ST6GALNAC5: variants seen among roughly 807,000 people sequenced by gnomAD.
The protein encoded by ST6GALNAC5 is ST6 N-acetylgalactosaminide alpha-2,6-sialyltransferase 5.
In ST6GALNAC5, 27 loss-of-function variants were observed where a neutral mutation model predicts 33.6. That is an observed-to-expected ratio of 0.80 (90% confidence interval 0.59 to 1.11). The LOEUF (loss-of-function observed/expected upper bound fraction) is 1.11, where lower values mean the gene tolerates loss of function less well. ST6GALNAC5 is among the 50% of genes least tolerant of loss of function. ST6GALNAC5 has a pLI of 0.00. For synonymous variants in ST6GALNAC5, 194 were observed against 171.2 expected, an observed-to-expected ratio of 1.13 and a Z score of -1.04; for missense variants, 428 against 454.0, an observed-to-expected ratio of 0.94 and a Z score of 0.52.
At chr1:76,953,100 G>T (rs1317407752) in intron 2 of ST6GALNAC5, among the ~76,000 whole-genome samples, 3 of 152,030 alleles carry the variant, frequency 2.0e-5, no homozygotes, top group African/African-American at 7.2e-5. Context: ...TAGACATGTG[G>T]GTTGTTTCCA....
At position 76,872,117 on chromosome 1, in the gene ST6GALNAC5, AC is replaced by A. The variant is rs1491490217; in HGVS notation, c.261+3377del. 1.4e-4 allele frequency among the ~76,000 whole-genome samples: 18 copies of A among 126,014 alleles called. No individual in the cohort carries two copies. In the South Asian group the frequency reaches 3.4e-3, roughly 24 times the overall value. 82.7% of individuals were successfully genotyped at this position (126,014 alleles called of 152,430 possible). ...CACACACACACACACACACACACAC[AC>A]CACACACATTAAATCAAGAAATACT... On this transcript the variant is annotated intron_variant, in intron 2 of 4. Transcript: ENST00000477717.
intron 2 of ST6GALNAC5, among the ~76,000 whole-genome samples, chr1:76,928,689 T>C (rs1209371068): frequency 6.6e-5 from 10 of 152,158 alleles, no homozygotes; most frequent in Admixed American, 6.6e-4. Flanking sequence ...CTGCCTAGCC[T>C]CATCATCTGT....
intron 2 of ST6GALNAC5, among the ~76,000 whole-genome samples, chr1:76,902,958 G>T (rs531511882): frequency 1.3e-5 from 2 of 152,000 alleles, no homozygotes; most frequent in South Asian, 2.1e-4. Flanking sequence ...AAAACTCAGG[G>T]ATAAATCTGC....
chr1:76,954,516 T>G (rs930293583), intron 2 of ST6GALNAC5, among the ~76,000 whole-genome samples: 1 of 152,030 alleles, frequency 6.6e-6, no homozygotes, highest in Non-Finnish European at 1.5e-5. Flanking sequence ...ATCCTGCACA[T>G]GTACCCCAAG....
intron 2 of ST6GALNAC5, among the ~76,000 whole-genome samples, chr1:76,896,281 A>G (rs114695290): frequency 0.013 from 1,927 of 152,204 alleles, 38 homozygotes; most frequent in African/African-American, 0.043. Context: ...TGACATGGGG[A>G]ATGTTGAGTA....
intron 3 of ST6GALNAC5, among the ~76,000 whole-genome samples, chr1:77,048,117 T>C (rs995653973): frequency 1.3e-5 from 2 of 152,226 alleles, no homozygotes; most frequent in Non-Finnish European, 2.9e-5. Flanking sequence ...CCTTGCATTC[T>C]TTTCCCCATT....
At chr1:76,910,471 C>G (rs142556587) in intron 2 of ST6GALNAC5, among the ~76,000 whole-genome samples, 1 of 151,856 alleles carries the variant, frequency 6.6e-6, no homozygotes, top group Non-Finnish European at 1.5e-5. Context: ...AGAAATCAAC[C>G]AAACATTTTT....
intron 2 of ST6GALNAC5, among the ~76,000 whole-genome samples, chr1:76,892,013 A>G (rs905051578): frequency 1.4e-4 from 22 of 152,200 alleles, no homozygotes; most frequent in African/African-American, 5.1e-4. Flanking sequence ...ATGATCTGCT[A>G]TTTCCAAAGA....
At chr1:76,941,837 G>A (rs185761312) in intron 2 of ST6GALNAC5, among the ~76,000 whole-genome samples, 116 of 152,166 alleles carry the variant, frequency 7.6e-4, no homozygotes, top group African/African-American at 2.5e-3. Flanking sequence ...GATTTCCCTC[G>A]TCTTAAGCCA....
In ST6GALNAC5 at chr1:76,890,501, C is replaced by G. The variant is rs147608623; in HGVS notation, c.261+21759C>G. Among the ~76,000 whole-genome samples, 706 of 151,918 alleles carry G rather than the reference C, an allele frequency of 4.6e-3. 3 individuals carry two copies. The highest frequency in any genetic ancestry group is 0.016 in the African/African-American group (668 of 41,434). On this transcript the variant is annotated intron_variant, in intron 2 of 4. Coordinates refer to ENST00000477717, the MANE Select transcript of ST6GALNAC5 (RefSeq NM_030965.3). ...GGATCAGCAGTTACCCTTAGAGCAG[C>G]CACTGTCTGCAATGCCCATTCATTA...
At chr1:76,941,675 G>C (rs1647340776) in intron 2 of ST6GALNAC5, among the ~76,000 whole-genome samples, 1 of 152,094 alleles carries the variant, frequency 6.6e-6, no homozygotes, top group African/African-American at 2.4e-5. Context: ...TGGGAAGACG[G>C]AGGCAGAGAC....
At chr1:76,880,680 G>T (rs895470983) in intron 2 of ST6GALNAC5, among the ~76,000 whole-genome samples, 2 of 152,144 alleles carry the variant, frequency 1.3e-5, no homozygotes, top group African/African-American at 4.8e-5. Flanking sequence ...ATTAGATTGT[G>T]CCCATCAGAT....
rs144387692 is a variant in ST6GALNAC5 at position 77,024,465 on chromosome 1, C to T, written c.262-19739C>T. On this transcript the variant is annotated intron_variant, in intron 2 of 4. Coordinates refer to ENST00000477717, the MANE Select transcript of ST6GALNAC5 (RefSeq NM_030965.3). ...TACTGGTACAGGAACTTATAAGATG[C>T]GTGGAAGGCCAAGGACAGGAGACAG... is the stretch of plus-strand genomic sequence containing the variant. Among the ~76,000 whole-genome samples the T allele has an allele frequency of 4.3e-3, 662 of 152,278 alleles. 9 individuals are homozygous for T. Among genetic ancestry groups the T allele is most frequent in the Middle Eastern group, 0.017 (5 of 294 alleles).
chr1:76,899,830 G>A (rs919686551), intron 2 of ST6GALNAC5, among the ~76,000 whole-genome samples: 1 of 152,212 alleles, frequency 6.6e-6, no homozygotes, highest in Non-Finnish European at 1.5e-5. Flanking sequence ...GCTGCTTATT[G>A]GATTTAAAAT....
At chr1:76,935,235 C>T (rs989816986) in intron 2 of ST6GALNAC5, among the ~76,000 whole-genome samples, 5 of 151,836 alleles carry the variant, frequency 3.3e-5, no homozygotes, top group Admixed American at 6.6e-5. Flanking sequence ...TAATAAATAA[C>T]GACAGTGTGT....
chr1:76,983,139 A>G (rs1034297542), intron 2 of ST6GALNAC5, among the ~76,000 whole-genome samples: 1 of 152,206 alleles, frequency 6.6e-6, no homozygotes, highest in African/African-American at 2.4e-5. Flanking sequence ...TCATAATGAC[A>G]GGATCAAATT....
At chr1:76,888,282 G>A (rs1184718716) in intron 2 of ST6GALNAC5, among the ~76,000 whole-genome samples, 3 of 152,038 alleles carry the variant, frequency 2.0e-5, no homozygotes, top group Non-Finnish European at 2.9e-5. Flanking sequence ...TTTAGATCTC[G>A]GATGGGGCCT....
At chr1:76,953,660 A>C (rs2100340704) in intron 2 of ST6GALNAC5, among the ~76,000 whole-genome samples, 1 of 152,262 alleles carries the variant, frequency 6.6e-6, no homozygotes, top group Admixed American at 6.5e-5. Flanking sequence ...CTTTTGCAGC[A>C]TAAAAGTTTC....
At chr1:76,943,061 TAC>T (rs1057278400) in intron 2 of ST6GALNAC5, among the ~76,000 whole-genome samples, 54 of 152,088 alleles carry the variant, frequency 3.6e-4, no homozygotes, top group African/African-American at 9.4e-4. Context: ...CATTCTTTCT[TAC>T]AGGCAACTTT....
Sources: gnomAD v4.1 joint callset for allele counts (sites outside exome capture counted in the v4.1 genomes callset) on GRCh38, gnomAD v4.1.1 for gene constraint, MANE v1.5 for transcripts, NCBI Gene and HGNC (gene_info 2026-07-23, HGNC 2026-07-21) for gene names.